The following WDR7 variants were observed in gnomAD, a reference collection of about 807,000 sequenced individuals.
WDR7 encodes WD repeat-containing protein 7.
A neutral mutation model predicts 169.4 loss-of-function variants in WDR7; 46 were observed. That is an observed-to-expected ratio of 0.27 (90% confidence interval 0.21 to 0.35). The LOEUF (loss-of-function observed/expected upper bound fraction) is 0.35. WDR7 is among the 10% of genes least tolerant of loss of function. The pLI is 1.00. For synonymous variants in WDR7, 612 were observed against 666.8 expected (o/e 0.92, Z 1.27); for missense variants, 1,534 against 1,859.3 (o/e 0.83, Z 3.22).
rs1446778395 is a variant in WDR7 at position 56,784,276 on chromosome 18, A to C, written c.3190+2620A>C. Among the ~76,000 whole-genome samples the C allele has an allele frequency of 2.6e-5, 4 of 152,316 alleles. No homozygotes were observed. The East Asian group carries it at 5.8e-4, about 22-fold the overall frequency. On this transcript the variant is annotated intron_variant, in intron 19 of 27. Coordinates refer to ENST00000254442, the MANE Select transcript of WDR7 (RefSeq NM_015285.3). Reference sequence around the variant, plus strand: ...TTTTTAAAAAATTATTTTTTATTTCAATAGCTTTTGGTGTATAAATGGTTT... The same window carrying C: ...TTTTTAAAAAATTATTTTTTATTTCCATAGCTTTTGGTGTATAAATGGTTT...
chr18:56,959,331 A>G (rs777811545), intron 25 of WDR7, among the ~76,000 whole-genome samples: 18 of 152,292 alleles, frequency 1.2e-4, no homozygotes, highest in Admixed American at 3.3e-4. Flanking sequence ...CTGCATGCGG[A>G]CAATGATGAA....
At chr18:56,923,866 A>G in intron 21 of WDR7, 56 bp from the exon 22 acceptor site, 1 of 1,431,504 alleles carries the variant, frequency 7.0e-7, no homozygotes, top group African/African-American at 1.5e-5. Flanking sequence ...CTTCAAAAGA[A>G]ACAATTACAA....
intron 15 of WDR7, 116 bp downstream of exon 15, chr18:56,757,468 T>C: frequency 9.6e-7 from 1 of 1,040,244 alleles, no homozygotes. Context: ...TTCAGTGTCA[T>C]CTCAGTTGTT....
chr18:56,660,352 A>G (rs1478907179), intron 1 of WDR7, among the ~76,000 whole-genome samples: 1 of 152,212 alleles, frequency 6.6e-6, no homozygotes, highest in Non-Finnish European at 1.5e-5. Flanking sequence ...CTGCAATCCA[A>G]AATGCTCCAA....
At chr18:57,005,067 A>C (rs918485645) in intron 26 of WDR7, among the ~76,000 whole-genome samples, 16 of 152,326 alleles carry the variant, frequency 1.1e-4, no homozygotes, top group African/African-American at 3.1e-4. Context: ...AACAGTCATA[A>C]ATTAAAAATC....
chr18:56,751,926 C>G (rs560331345), intron 14 of WDR7, among the ~76,000 whole-genome samples: 15 of 152,144 alleles, frequency 9.9e-5, no homozygotes, highest in Non-Finnish European at 1.6e-4. Context: ...TTTTATCTTC[C>G]CTCATCTGGA....
chr18:56,818,411 A>G (rs1408978506), intron 20 of WDR7, among the ~76,000 whole-genome samples: 1 of 152,230 alleles, frequency 6.6e-6, no homozygotes, highest in Non-Finnish European at 1.5e-5. Flanking sequence ...GAGTCTATTA[A>G]TGCTACATAC....
intron 20 of WDR7, among the ~76,000 whole-genome samples, chr18:56,821,869 C>T (rs888199707): frequency 7.9e-5 from 12 of 151,926 alleles, no homozygotes; most frequent in Admixed American, 3.3e-4. Context: ...TGTGGTGGTG[C>T]GCACCTGTGG....
At chr18:56,843,990 G>T (rs1440429673) in intron 20 of WDR7, among the ~76,000 whole-genome samples, 1 of 151,554 alleles carries the variant, frequency 6.6e-6, no homozygotes, top group African/African-American at 2.4e-5. Flanking sequence ...AGCCTCCTGA[G>T]TAGCTGGGAT....
intron 19 of WDR7, among the ~76,000 whole-genome samples, chr18:56,794,509 T>C (rs972842897): frequency 2.6e-5 from 4 of 151,476 alleles, no homozygotes; most frequent in South Asian, 2.1e-4. Context: ...AGGGGTTTCA[T>C]TGTGCTAACA....
chr18:57,027,354 A>T lies in WDR7; in HGVS notation c.*147A>T. ...CACGGCCGGGTCTTGTCACTTGTGC[A>T]TGCTTCTCAGGGGCAGAACCCGCTC... On this transcript the variant is annotated 3_prime_UTR_variant, in exon 28 of 28. Coordinates refer to ENST00000254442, the MANE Select transcript of WDR7 (RefSeq NM_015285.3). 1 of 1,005,214 alleles carries T rather than the reference A, an allele frequency of 9.9e-7. No homozygotes were observed. Among genetic ancestry groups the T allele is most frequent in the Non-Finnish European group, 1.4e-6 (1 of 697,070 alleles). The allele number at this position is 1,005,214 out of a possible 1,614,324, so 62.3% of individuals were successfully genotyped here.
rs972936507 is a variant in WDR7 at position 56,915,919 on chromosome 18, C to T, written c.3527-8003C>T. On this transcript the variant is annotated intron_variant, in intron 21 of 27. Coordinates refer to ENST00000254442, the MANE Select transcript of WDR7 (RefSeq NM_015285.3). The stretch of plus-strand genomic sequence containing the variant: ...CCCTTTGTCATGGAGGAGTTCTCCC[C>T]TCCTCCTTTCTGTGTACCATCCGTC... 5.9e-5 allele frequency among the ~76,000 whole-genome samples: 9 copies of T among 152,298 alleles called. No homozygotes were observed. The East Asian group carries it at 1.5e-3, about 26-fold the overall frequency.
chr18:56,933,318 C>G lies in WDR7; in HGVS notation c.3714-2470C>G, dbSNP rs538003479. Among the ~76,000 whole-genome samples the G allele has an allele frequency of 2.0e-5, 3 of 152,268 alleles. No individual in the cohort carries two copies. In the East Asian group the frequency reaches 5.8e-4, roughly 29 times the overall value. ...GATGCAATCCTCAGTAGTTCACGAG[C>G]CTGGTTCAGCAGTGTGTTGCCAATC... On this transcript the variant is annotated intron_variant, in intron 22 of 27. Transcript: ENST00000254442.
chr18:56,754,319 A>ATG (rs950525030), intron 14 of WDR7, among the ~76,000 whole-genome samples: 4 of 146,940 alleles, frequency 2.7e-5, no homozygotes, highest in African/African-American at 1.0e-4. Context: ...ATACATATAT[A>ATG]TGTGTGTATA....
chr18:56,859,788 G>A (rs1368990764), intron 20 of WDR7, among the ~76,000 whole-genome samples: 2 of 152,172 alleles, frequency 1.3e-5, no homozygotes, highest in Non-Finnish European at 2.9e-5. Context: ...TAGTAATGAT[G>A]AGGAAGAATA....
intron 26 of WDR7, among the ~76,000 whole-genome samples, chr18:56,993,751 T>C (rs186730537): frequency 6.6e-6 from 1 of 152,142 alleles, no homozygotes; most frequent in East Asian, 1.9e-4. Context: ...TCATCCGAAT[T>C]TATAGGAAAC....
At chr18:56,863,607 T>C (rs1401799218) in intron 20 of WDR7, among the ~76,000 whole-genome samples, 1 of 151,768 alleles carries the variant, frequency 6.6e-6, no homozygotes, top group Non-Finnish European at 1.5e-5. Context: ...TATTTTTATT[T>C]ATTGCAAAAG....
intron 14 of WDR7, among the ~76,000 whole-genome samples, chr18:56,750,385 C>T (rs921223061): frequency 6.6e-6 from 1 of 152,108 alleles, no homozygotes; most frequent in Admixed American, 6.6e-5. Flanking sequence ...ATCGTTGAAT[C>T]TTACTAGCAA....
intron 12 of WDR7, among the ~76,000 whole-genome samples, chr18:56,703,870 T>C (rs1422185560): frequency 6.6e-6 from 1 of 152,090 alleles, no homozygotes; most frequent in Non-Finnish European, 1.5e-5. Flanking sequence ...TTTTTGTAGC[T>C]CTAGAATGGT....
Sources: gnomAD v4.1 joint callset for allele counts (sites outside exome capture counted in the v4.1 genomes callset) on GRCh38, gnomAD v4.1.1 for gene constraint, MANE v1.5 for transcripts, NCBI Gene and HGNC (gene_info 2026-07-23, HGNC 2026-07-21) for gene names.